The following DISP1 variants were observed in gnomAD, a reference collection of about 807,000 sequenced individuals.
DISP1 encodes dispatched RND transporter family member 1.
DISP1 carries 30 observed loss-of-function variants against 37.3 expected under a neutral mutation model. The ratio of observed to expected loss-of-function variants is 0.80; its 90% CI spans 0.60 to 1.09. The LOEUF (loss-of-function observed/expected upper bound fraction) is 1.09. DISP1 is among the 50% of genes least tolerant of loss of function. The pLI, the probability that DISP1 is intolerant of heterozygous loss-of-function variation, is 0.00. For synonymous variants in DISP1, 634 were observed against 690.2 expected, an observed-to-expected ratio of 0.92 and a Z score of 1.28; for missense variants, 1,598 against 1,879.5, an observed-to-expected ratio of 0.85 and a Z score of 2.77.
intron 8 of DISP1, among the ~76,000 whole-genome samples, chr1:222,998,432 C>G (rs142315868): frequency 3.3e-5 from 5 of 152,032 alleles, no homozygotes; most frequent in South Asian, 2.1e-4. Context: ...GTGTTTACAG[C>G]ACATTTAGTT....
intron 1 of DISP1, among the ~76,000 whole-genome samples, chr1:222,826,050 T>C (rs139155959): frequency 1.4e-3 from 211 of 152,304 alleles, no homozygotes; most frequent in Non-Finnish European, 2.5e-3. Context: ...TGTAGGTGTG[T>C]ACCACCATGC....
chr1:222,887,084 C>T (rs1004564644), intron 1 of DISP1, among the ~76,000 whole-genome samples: 5 of 152,088 alleles, frequency 3.3e-5, no homozygotes, highest in African/African-American at 7.2e-5. Context: ...AAAAGGATTT[C>T]GAATGGGGGA....
chr1:223,001,724 C>T (rs1268887408), intron 8 of DISP1, among the ~76,000 whole-genome samples: 1 of 152,180 alleles, frequency 6.6e-6, no homozygotes, highest in Non-Finnish European at 1.5e-5. Context: ...GCACTACTCC[C>T]ATTCATGAGG....
chr1:222,947,875 A>G (rs1226017206), intron 3 of DISP1, among the ~76,000 whole-genome samples: 1 of 152,220 alleles, frequency 6.6e-6, no homozygotes, highest in Admixed American at 6.5e-5. Context: ...GAAGAACACT[A>G]TAAGGCTTGT....
intron 2 of DISP1, among the ~76,000 whole-genome samples, chr1:222,936,879 G>GATATATAATTTATATATCATATATATA (rs1334041961): frequency 2.4e-5 from 1 of 41,380 alleles, no homozygotes; most frequent in Non-Finnish European, 4.6e-5. Context: ...TCATATATAT[G>GATATATAATTTATATATCATATATATA]ATATATATAA....
intron 1 of DISP1, among the ~76,000 whole-genome samples, chr1:222,928,111 T>C (rs1230079606): frequency 1.3e-5 from 2 of 152,192 alleles, no homozygotes; most frequent in Admixed American, 1.3e-4. Flanking sequence ...GCAAATAATA[T>C]CAGCTAACAT....
intron 1 of DISP1, chr1:222,899,682 G>T (rs1178782202): frequency 2.6e-5 from 4 of 152,166 alleles, no homozygotes; most frequent in African/African-American, 9.7e-5. Flanking sequence ...GGGCTCAAGG[G>T]ATCCTCCTGC....
At chr1:222,963,956 A>G (rs1676265262) in intron 3 of DISP1, among the ~76,000 whole-genome samples, 1 of 152,168 alleles carries the variant, frequency 6.6e-6, no homozygotes, top group Non-Finnish European at 1.5e-5. Flanking sequence ...CTCATTTACA[A>G]GTTAATTTGG....
intron 1 of DISP1, among the ~76,000 whole-genome samples, chr1:222,826,449 C>T (rs995785339): frequency 3.6e-5 from 5 of 138,558 alleles, no homozygotes; most frequent in Non-Finnish European, 6.1e-5. Flanking sequence ...GGCATGATTA[C>T]AGCTCACTGC....
intron 1 of DISP1, among the ~76,000 whole-genome samples, chr1:222,821,284 C>T (rs1662819479): frequency 1.3e-5 from 2 of 152,170 alleles, no homozygotes; most frequent in African/African-American, 4.8e-5. Context: ...TTAAAGGGTT[C>T]TTCCCTTCAG....
At chr1:222,982,671 A>G (rs1378984949) in intron 3 of DISP1, among the ~76,000 whole-genome samples, 1 of 152,206 alleles carries the variant, frequency 6.6e-6, no homozygotes, top group South Asian at 2.1e-4. Context: ...TTAATATCCA[A>G]TTTTTTTAAG....
At position 222,893,576 on chromosome 1, in the gene DISP1, A is replaced by G. The variant is rs1451142597; in HGVS notation, c.-158-34854A>G. Reference sequence around the variant, plus strand: ...CTGCTGTGGCAGGGCGGGCAGCCCCAGGCGCCGGCACTGACTCCATGGAAG... The same window carrying G: ...CTGCTGTGGCAGGGCGGGCAGCCCCGGGCGCCGGCACTGACTCCATGGAAG... On this transcript the variant is annotated intron_variant, in intron 1 of 8. Transcript: ENST00000675850. This position sits in a 1 kb window ranked among gnomAD's most constrained non-coding sequence, Gnocchi z 4.3. 1.3e-5 allele frequency among the ~76,000 whole-genome samples: 2 copies of G among 152,230 alleles called. No individual in the cohort carries two copies. Among genetic ancestry groups the G allele is most frequent in the Admixed American group, 1.3e-4 (2 of 15,282 alleles).
At chr1:222,938,153 A>C (rs571979298) in intron 2 of DISP1, among the ~76,000 whole-genome samples, 2 of 152,200 alleles carry the variant, frequency 1.3e-5, no homozygotes, top group East Asian at 3.9e-4. Flanking sequence ...GATTACAGGC[A>C]TGAGCCACTG....
At chr1:222,954,322 C>T in intron 3 of DISP1, among the ~76,000 whole-genome samples, 1 of 152,112 alleles carries the variant, frequency 6.6e-6, no homozygotes, top group African/African-American at 2.4e-5. Flanking sequence ...GCAAAATTGA[C>T]ACTACAAAAT....
At chr1:222,890,205 T>C (rs774861129) in intron 1 of DISP1, among the ~76,000 whole-genome samples, 3 of 152,210 alleles carry the variant, frequency 2.0e-5, no homozygotes, top group Non-Finnish European at 2.9e-5. Flanking sequence ...TATGGGTTCT[T>C]CTATTGGAGT....
chr1:222,992,038 G>A lies in DISP1; in HGVS notation c.817G>A (p.Asp273Asn). The change falls in exon 7 of 9, where the codon GAT becomes AAT. Residue 273 changes from aspartate (D) to asparagine (N), a missense_variant. Asp to Asn is a conservative substitution (Grantham distance 23). Transcript: ENST00000675850. Reference protein sequence around the residue: ...KSHRDDRWSDDHYEREKREVD... With the variant: ...KSHRDDRWSDNHYEREKREVD... Reference sequence around the variant, plus strand: ...CCATCGGGATGATAGATGGTCAGATGATCATTATGAAAGAGAGAAAAGAGA... The same window carrying A: ...CCATCGGGATGATAGATGGTCAGATAATCATTATGAAAGAGAGAAAAGAGA... The A allele has an allele frequency of 1.2e-6, 2 of 1,613,844 alleles. No individual in the cohort carries two copies. The highest frequency in any genetic ancestry group is 2.2e-5 in the South Asian group (2 of 91,070).
chr1:222,962,105 C>T (rs930496575), intron 3 of DISP1, among the ~76,000 whole-genome samples: 30 of 152,124 alleles, frequency 2.0e-4, no homozygotes, highest in Non-Finnish European at 3.5e-4. Flanking sequence ...ACAAAATCAA[C>T]GTGCAGAAAT....
chr1:222,963,287 G>A (rs924908402), intron 3 of DISP1, among the ~76,000 whole-genome samples: 2 of 152,198 alleles, frequency 1.3e-5, no homozygotes, highest in African/African-American at 4.8e-5. Flanking sequence ...ATGCTGGCGA[G>A]GCTGTGGAGA....
chr1:222,939,355 A>ATTTTTT (rs35313341), intron 2 of DISP1, among the ~76,000 whole-genome samples: 1 of 113,014 alleles, frequency 8.8e-6, no homozygotes, highest in Non-Finnish European at 1.7e-5. Flanking sequence ...AAGAAAAATA[A>ATTTTTT]TTTTTTTTTT....
Sources: gnomAD v4.1 joint callset for allele counts (sites outside exome capture counted in the v4.1 genomes callset) on GRCh38, gnomAD v4.1.1 for gene constraint, Gnocchi (gnomAD v3.1) non-coding constraint, MANE v1.5 for transcripts, NCBI Gene and HGNC (gene_info 2026-07-23, HGNC 2026-07-21) for gene names.